The following PTPRO variants were observed in gnomAD, a reference collection of about 807,000 sequenced individuals.
PTPRO encodes the protein receptor-type tyrosine-protein phosphatase O.
A neutral mutation model predicts 145.2 loss-of-function variants in PTPRO; 62 were observed. That is an observed-to-expected ratio of 0.43 (90% CI 0.35 to 0.53). PTPRO has a LOEUF of 0.53. PTPRO is among the 20% of genes least tolerant of loss of function. The pLI is 0.01. For missense variants in PTPRO, 1,345 were observed against 1,482.7 expected (o/e 0.91, Z 1.53); for synonymous variants, 565 against 514.7 (o/e 1.10, Z -1.32).
chr12:15,501,689 G>C lies in PTPRO; in HGVS notation c.731G>C (p.Ser244Thr). 3 of 1,613,960 alleles carry C rather than the reference G, an allele frequency of 1.9e-6. No homozygotes were observed. The highest frequency in any genetic ancestry group is 2.5e-6 in the Non-Finnish European group (3 of 1,179,894). The change falls in exon 5 of 27, where the codon AGT becomes ACT. Residue 244 changes from serine to threonine, a missense_variant. Ser to Thr is a moderately conservative substitution (Grantham distance 58, BLOSUM62 1). Transcript: ENST00000281171. ...AACAAAAACAACTGGGAAGAACAGA[G>C]TGGCAATTTCCCAGAAGAATCCTTC... Reference protein sequence around the residue: ...NLNKNNWEEQSGNFPEESFMR... With the variant: ...NLNKNNWEEQTGNFPEESFMR...
chr12:15,338,012 T>C (rs1256538311), intron 1 of PTPRO, among the ~76,000 whole-genome samples: 1 of 152,218 alleles, frequency 6.6e-6, no homozygotes, highest in Non-Finnish European at 1.5e-5. Flanking sequence ...ATACATGTGA[T>C]AAATTTGTAA....
At chr12:15,360,090 G>A (rs1184426648) in intron 1 of PTPRO, among the ~76,000 whole-genome samples, 1 of 152,132 alleles carries the variant, frequency 6.6e-6, no homozygotes, top group Non-Finnish European at 1.5e-5. Flanking sequence ...ACCATCAAAT[G>A]TGGGCCCTTC....
intron 4 of PTPRO, among the ~76,000 whole-genome samples, chr12:15,500,779 G>A (rs1251861871): frequency 2.0e-5 from 3 of 152,056 alleles, no homozygotes; most frequent in East Asian, 1.9e-4. Flanking sequence ...AATATTAGCT[G>A]GGCATGGTGG....
At chr12:15,472,574 A>C (rs997252968) in intron 1 of PTPRO, among the ~76,000 whole-genome samples, 2 of 152,156 alleles carry the variant, frequency 1.3e-5, no homozygotes, top group Non-Finnish European at 2.9e-5. Flanking sequence ...AGCATCTTTC[A>C]TACATCACTT....
Position 15,581,789 on chromosome 12 carries a change from C to T in PTPRO, c.3243C>T (p.Phe1081=), listed in dbSNP as rs1437493362. 6.2e-7 allele frequency: 1 copy of T among 1,613,898 alleles called. No homozygotes were observed. Among genetic ancestry groups the T allele is most frequent in the South Asian group, 1.1e-5 (1 of 91,084 alleles). Residue 1081 remains phenylalanine (F), a synonymous_variant, in exon 23 of 27, where the codon TTC becomes TTT. Transcript: ENST00000281171. ...EEQDDWACRH[F]RINYADEMQD... The stretch of plus-strand genomic sequence containing the variant: ...AGGACGACTGGGCCTGTAGACACTT[C>T]CGGATCAACTATGTAAGTCACCAGG...
At chr12:15,382,073 A>T (rs972925577) in intron 1 of PTPRO, among the ~76,000 whole-genome samples, 1 of 151,458 alleles carries the variant, frequency 6.6e-6, no homozygotes, top group African/African-American at 2.4e-5. Flanking sequence ...CCAAGATAAA[A>T]GCTTATTGGC....
chr12:15,537,840 T>C (rs934781718), intron 12 of PTPRO, among the ~76,000 whole-genome samples: 2 of 152,008 alleles, frequency 1.3e-5, no homozygotes, highest in Non-Finnish European at 2.9e-5. Context: ...AGTGGAAGGA[T>C]TGGGTCTGGA....
Position 15,499,547 on chromosome 12 carries a change from T to G in PTPRO, c.614T>G (p.Leu205Arg), listed in dbSNP as rs1463337324. 6 of 1,613,782 alleles carry G rather than the reference T, an allele frequency of 3.7e-6. No homozygotes were observed. The highest frequency in any genetic ancestry group is 2.2e-5 in the East Asian group (1 of 44,856). Residue 205 changes from leucine (L) to arginine (R), a missense_variant, in exon 4 of 27, where the codon CTT (leucine) becomes CGT (arginine). Physicochemically the swap from Leu to Arg is moderately radical, Grantham distance 102. This residue lies in a region of PTPRO where 1,130 missense variants were observed against 1,214.7 expected (regional missense o/e 0.93). Transcript: ENST00000281171. Reference sequence around the variant, plus strand: ...GAGGCAACTTTTAATAAAAGTACCCTTGTTGAGTACAGTGGTGTCAGTCAC... The same window carrying G: ...GAGGCAACTTTTAATAAAAGTACCCGTGTTGAGTACAGTGGTGTCAGTCAC... Reference protein sequence around the residue: ...VSEATFNKSTLVEYSGVSHEP... With the variant: ...VSEATFNKSTRVEYSGVSHEP...
In PTPRO at chr12:15,549,007, A is replaced by C. The variant is rs1053227352; in HGVS notation, c.2305-87A>C. On this transcript the variant is annotated intron_variant, in intron 13 of 26. Coordinates refer to ENST00000281171, the MANE Select transcript of PTPRO (RefSeq NM_030667.3). ...ATCTTATACATTTTTTACTCTGTCAATCTATTACCAACTCAACTATGAAAT... is the reference window on the plus strand; with the variant it reads ...ATCTTATACATTTTTTACTCTGTCACTCTATTACCAACTCAACTATGAAAT... The C allele has an allele frequency of 1.9e-5, 26 of 1,401,316 alleles. No homozygotes were observed. In the East Asian group the frequency reaches 5.9e-4, roughly 32 times the overall value. The allele number at this position is 1,401,316 out of a possible 1,614,324, so 86.8% of individuals were successfully genotyped here.
intron 3 of PTPRO, 65 bp downstream of exon 3, chr12:15,497,468 G>A (rs1276708328): frequency 1.3e-6 from 2 of 1,516,268 alleles, no homozygotes; most frequent in Non-Finnish European, 1.8e-6. Flanking sequence ...TTTCCCAAAT[G>A]ATGTTCTCTC....
intron 1 of PTPRO, among the ~76,000 whole-genome samples, chr12:15,387,131 G>A (rs547077018): frequency 3.3e-5 from 5 of 152,072 alleles, no homozygotes; most frequent in Non-Finnish European, 5.9e-5. Flanking sequence ...TTCCATGTGT[G>A]CACACGTATC....
At chr12:15,407,262 A>G (rs4764191) in intron 1 of PTPRO, among the ~76,000 whole-genome samples, 128,907 of 152,180 alleles carry the variant, frequency 0.85, 56,085 homozygotes, top group East Asian at 0.96. Context: ...GACAAGTGTC[A>G]GTCTGGACCC....
intron 1 of PTPRO, among the ~76,000 whole-genome samples, chr12:15,454,833 G>A (rs1941135114): frequency 1.3e-5 from 2 of 152,158 alleles, no homozygotes; most frequent in African/African-American, 4.8e-5. Context: ...TGGTTGAAGA[G>A]ACTCTCATTT....
chr12:15,376,251 G>A (rs1467924980), intron 1 of PTPRO, among the ~76,000 whole-genome samples: 1 of 152,040 alleles, frequency 6.6e-6, no homozygotes, highest in Non-Finnish European at 1.5e-5. Flanking sequence ...TGAGATTAAT[G>A]GCTGATTTCT....
intron 12 of PTPRO, among the ~76,000 whole-genome samples, chr12:15,543,685 T>C (rs1017650181): frequency 1.3e-5 from 2 of 152,160 alleles, no homozygotes; most frequent in African/African-American, 4.8e-5. Context: ...TCTAATAGGA[T>C]CTACTAGAAT....
chr12:15,524,181 GTTCT>G (rs1942788990), intron 10 of PTPRO, among the ~76,000 whole-genome samples: 2 of 120,162 alleles, frequency 1.7e-5, no homozygotes, highest in South Asian at 5.8e-4. Flanking sequence ...AAAAAAACTT[GTTCT>G]TCCCTTCTTT....
intron 1 of PTPRO, among the ~76,000 whole-genome samples, chr12:15,342,902 C>G (rs755043878): frequency 2.6e-5 from 4 of 152,166 alleles, no homozygotes; most frequent in African/African-American, 4.8e-5. Flanking sequence ...ACCAATTATT[C>G]AGGTATGTGT....
chr12:15,568,462 A>AACAAAACAAG, intron 18 of PTPRO, among the ~76,000 whole-genome samples: 1 of 151,176 alleles, frequency 6.6e-6, no homozygotes, highest in South Asian at 2.1e-4. Context: ...AACAAAACAA[A>AACAAAACAAG]AAAGACCACA....
intron 1 of PTPRO, among the ~76,000 whole-genome samples, chr12:15,380,128 T>G (rs1271413881): frequency 6.6e-6 from 1 of 152,180 alleles, no homozygotes; most frequent in Admixed American, 6.5e-5. Flanking sequence ...GTTACTTGAA[T>G]GTTCTCAGAT....
Sources: allele counts gnomAD v4.1 joint callset (sites outside exome capture counted in the v4.1 genomes callset), GRCh38; gene constraint gnomAD v4.1.1; regional missense constraint gnomAD v4.1.1; transcripts MANE v1.5; gene names NCBI Gene and HGNC (gene_info 2026-07-23, HGNC 2026-07-21).